Variants in EPDR1 observed in about 807,000 individuals in gnomAD.
EPDR1 encodes ependymin related 1, also known as mammalian ependymin-related protein 1.
Under a neutral mutation model 23.7 loss-of-function variants are expected in EPDR1, and 27 were observed. The ratio of observed to expected loss-of-function variants is 1.14; its 90% CI spans 0.84 to 1.57. The LOEUF (loss-of-function observed/expected upper bound fraction) is 1.57. Ranked by LOEUF, EPDR1 falls within the 40% of genes most tolerant of loss-of-function variation. EPDR1 has a pLI of 0.00. For synonymous variants in EPDR1, 137 were observed against 118.2 expected (o/e 1.16, Z -1.03); for missense variants, 349 against 290.4 (o/e 1.20, Z -1.47).
chr7:37,920,845 G>A lies in EPDR1; in HGVS notation c.-95G>A. The A allele has an allele frequency of 6.2e-7, 1 of 1,610,712 alleles. No homozygotes were observed. The highest frequency in any genetic ancestry group is 8.5e-7 in the Non-Finnish European group (1 of 1,178,694). On this transcript the variant is annotated 5_prime_UTR_variant, in exon 1 of 3. In the 5' UTR this introduces an upstream ATG that the reference lacks. Coordinates refer to ENST00000199448, the MANE Select transcript of EPDR1 (RefSeq NM_017549.5). ...TGGTCCAGACCACACTCCCGGCACAGTGCGGAAAGAGCCGGCGGGAGCCAC... is the reference window on the plus strand; with the variant it reads ...TGGTCCAGACCACACTCCCGGCACAATGCGGAAAGAGCCGGCGGGAGCCAC...
At chr7:37,931,535 T>TA (rs977480496) in intron 1 of EPDR1, among the ~76,000 whole-genome samples, 6 of 150,908 alleles carry the variant, frequency 4.0e-5, no homozygotes, top group Admixed American at 6.6e-5. Context: ...ATAAAAAAAA[T>TA]AAAAAAAAGA....
At chr7:37,949,317 C>A (rs1017752318) in intron 2 of EPDR1, among the ~76,000 whole-genome samples, 1 of 152,138 alleles carries the variant, frequency 6.6e-6, no homozygotes, top group Non-Finnish European at 1.5e-5. Context: ...ATTTTATGGT[C>A]GTCCCGAGGT....
rs57925993 is a variant in EPDR1 at position 37,936,039 on chromosome 7, T to TATATAC, written c.270-12800_270-12799insTATACA. ...ATATATATATATATATATATATATA[T>TATATAC]ACACAAGGGAAATGTGAATCTGTTA... On this transcript the variant is annotated intron_variant, in intron 1 of 2. Coordinates refer to ENST00000199448, the MANE Select transcript of EPDR1 (RefSeq NM_017549.5). Among the ~76,000 whole-genome samples the TATATAC allele has an allele frequency of 2.5e-4, 20 of 80,946 alleles. 2 individuals are homozygous for TATATAC. Among genetic ancestry groups the TATATAC allele is most frequent in the South Asian group, 4.9e-4 (1 of 2,056 alleles). The allele number at this position is 80,946 out of a possible 152,430, so 53.1% of individuals were successfully genotyped here.
rs985186031 is a variant in EPDR1 at position 37,921,535 on chromosome 7, C to G, written c.269+327C>G. ...CGCCCCTGTTCTCACGCTGCTGAGTCAGGCTCTGGGCTCATGGAGCCCCCT... is the reference window on the plus strand; with the variant it reads ...CGCCCCTGTTCTCACGCTGCTGAGTGAGGCTCTGGGCTCATGGAGCCCCCT... On this transcript the variant is annotated intron_variant, in intron 1 of 2. Transcript: ENST00000199448. 9.3e-6 allele frequency: 12 copies of G among 1,289,974 alleles called. No homozygotes were observed. The South Asian group carries it at 2.2e-4, about 23-fold the overall frequency. The allele number at this position is 1,289,974 out of a possible 1,614,324, so 79.9% of individuals were successfully genotyped here.
At chr7:37,946,910 G>C (rs1242612775) in intron 1 of EPDR1, among the ~76,000 whole-genome samples, 3 of 152,046 alleles carry the variant, frequency 2.0e-5, no homozygotes, top group Admixed American at 6.5e-5. Context: ...TACTACAAAA[G>C]AGTCAAAAAG....
intron 1 of EPDR1, among the ~76,000 whole-genome samples, chr7:37,937,816 T>C (rs183878788): frequency 6.6e-6 from 1 of 151,702 alleles, no homozygotes; most frequent in African/African-American, 2.4e-5. Flanking sequence ...AAGATATGAA[T>C]AAAAAATATA....
In EPDR1 at chr7:37,950,452, G is replaced by C; in HGVS notation, c.*56G>C. ...TGTCAGCCCCCTGCGGCCCCAGCTGGAGATGGATATGAGACTAGTCAAGAT... is the reference window on the plus strand; with the variant it reads ...TGTCAGCCCCCTGCGGCCCCAGCTGCAGATGGATATGAGACTAGTCAAGAT... On this transcript the variant is annotated 3_prime_UTR_variant, in exon 3 of 3. Transcript: ENST00000199448. The C allele has an allele frequency of 6.8e-7, 1 of 1,471,896 alleles. No individual in the cohort carries two copies. The highest frequency in any genetic ancestry group is 1.3e-5 in the South Asian group (1 of 76,924). The allele number at this position is 1,471,896 out of a possible 1,614,324, so 91.2% of individuals were successfully genotyped here. A position where few individuals can be genotyped will look rare whatever the true frequency, so the allele number is the denominator to read the frequency against.
chr7:37,936,482 A>T (rs960783153), intron 1 of EPDR1, among the ~76,000 whole-genome samples: 2 of 152,116 alleles, frequency 1.3e-5, no homozygotes, highest in African/African-American at 4.8e-5. Context: ...ATAGACAGAG[A>T]AGACAAAGTA....
rs373088558 is a variant in EPDR1, at chr7:37,921,212, C to G, written c.269+4C>G. On this transcript the variant is annotated splice_donor_region_variant and intron_variant, in intron 1 of 2. Coordinates refer to ENST00000199448, the MANE Select transcript of EPDR1 (RefSeq NM_017549.5). ...AGGCGCTGATCCCCTGCAAGAGGTACAGGTCATCGGCCCGCGGGGCGGGAG... is the reference window on the plus strand; with the variant it reads ...AGGCGCTGATCCCCTGCAAGAGGTAGAGGTCATCGGCCCGCGGGGCGGGAG... The G allele has an allele frequency of 9.5e-6, 15 of 1,582,098 alleles. No individual in the cohort carries two copies. The African/African-American group carries it at 1.9e-4, about 20-fold the overall frequency.
intron 1 of EPDR1, among the ~76,000 whole-genome samples, chr7:37,927,202 C>T (rs1002136190): frequency 2.0e-5 from 3 of 152,152 alleles, no homozygotes; most frequent in Admixed American, 6.5e-5. Flanking sequence ...ACCAGGTCCT[C>T]TCAATGGACA....
intron 1 of EPDR1, among the ~76,000 whole-genome samples, chr7:37,941,226 T>G (rs554722707): frequency 6.6e-6 from 1 of 152,244 alleles, no homozygotes; most frequent in African/African-American, 2.4e-5. Flanking sequence ...GGTACTATGA[T>G]CCTAACTCCC....
Position 37,920,867 on chromosome 7 carries a change from C to A in EPDR1, c.-73C>A, listed in dbSNP as rs777255332. On this transcript the variant is annotated 5_prime_UTR_variant, in exon 1 of 3. Transcript: ENST00000199448. The stretch of plus-strand genomic sequence containing the variant: ...ACAGTGCGGAAAGAGCCGGCGGGAG[C>A]CACTCTGATCCCGGACGCCTCAGCG... 5.0e-6 allele frequency: 8 copies of A among 1,611,372 alleles called. No individual in the cohort carries two copies. The South Asian group carries it at 8.8e-5, about 18-fold the overall frequency.
intron 1 of EPDR1, among the ~76,000 whole-genome samples, chr7:37,928,469 C>T (rs1583663059): frequency 6.6e-6 from 1 of 152,244 alleles, no homozygotes; most frequent in East Asian, 1.9e-4. Flanking sequence ...AAGCAAATCT[C>T]ATGCTAACTA....
chr7:37,921,256 T>A, intron 1 of EPDR1, 48 bp downstream of exon 1: 1 of 1,535,374 alleles, frequency 6.5e-7, no homozygotes, highest in Non-Finnish European at 8.7e-7. Flanking sequence ...CGCGCGGGCA[T>A]GGGGAGGGCG....
In EPDR1 at chr7:37,920,949, C is replaced by A. The variant is rs765685272; in HGVS notation, c.10C>A (p.Arg4Ser). The A allele has an allele frequency of 1.2e-6, 2 of 1,603,326 alleles. No homozygotes were observed. The highest frequency in any genetic ancestry group is 1.7e-5 in the Admixed American group (1 of 58,928). MPG[R>S]APLRTVPGAL... Reference sequence around the variant, plus strand: ...GGGAAGGCTGACCGCGATGCCAGGACGCGCTCCCCTCCGCACCGTCCCGGG... The same window carrying A: ...GGGAAGGCTGACCGCGATGCCAGGAAGCGCTCCCCTCCGCACCGTCCCGGG... Residue 4 changes from arginine to serine, a missense_variant, in exon 1 of 3, where the codon CGC becomes AGC. Transcript: ENST00000199448.
rs772603193 is a variant in EPDR1, at chr7:37,920,946, G to C, written c.7G>C (p.Gly3Arg). 7 of 1,604,642 alleles carry C rather than the reference G, an allele frequency of 4.4e-6. No individual in the cohort carries two copies. The African/African-American group carries it at 9.3e-5, about 21-fold the overall frequency. Residue 3 changes from glycine to arginine, a missense_variant, in exon 1 of 3, where the codon GGA (glycine) becomes CGA (arginine). Transcript: ENST00000199448. The stretch of plus-strand genomic sequence containing the variant: ...CCGGGGAAGGCTGACCGCGATGCCA[G>C]GACGCGCTCCCCTCCGCACCGTCCC... MP[G>R]RAPLRTVPGA...
chr7:37,949,886 C>T (rs1354642794), intron 2 of EPDR1, among the ~76,000 whole-genome samples: 2 of 152,152 alleles, frequency 1.3e-5, no homozygotes. Flanking sequence ...ACAGTACAAT[C>T]CCACTTACAT....
In EPDR1 at chr7:37,948,879, GT is replaced by G; in HGVS notation, c.312del (p.Gln105ArgfsTer12). ...YILLYKDGVMFQIDQATKQCS... is the reference protein window; with the variant it reads ...YILLYKDGVMXQIDQATKQCS... ...TTTTGCTGTATAAGGATGGAGTGAT[GT>G]TTCAGATTGACCAAGCCACCAAGCA... On this transcript the variant is annotated frameshift_variant, in exon 2 of 3. Coordinates refer to ENST00000199448, the MANE Select transcript of EPDR1 (RefSeq NM_017549.5). LOFTEE classifies it high-confidence loss of function. 1 of 1,614,196 alleles carries G rather than the reference GT, an allele frequency of 6.2e-7. No individual in the cohort carries two copies.
At chr7:37,948,184 G>A (rs1264144208) in intron 1 of EPDR1, among the ~76,000 whole-genome samples, 1 of 152,004 alleles carries the variant, frequency 6.6e-6, no homozygotes, top group Non-Finnish European at 1.5e-5. Context: ...CCACACAAGA[G>A]TCAAGTCCTC....
Sources: allele counts gnomAD v4.1 joint callset (sites outside exome capture counted in the v4.1 genomes callset), GRCh38; gene constraint gnomAD v4.1.1; transcripts MANE v1.5; gene names NCBI Gene and HGNC (gene_info 2026-07-23, HGNC 2026-07-21).